HERC3: variants seen among roughly 807,000 people sequenced by gnomAD.
HERC3 encodes HECT and RLD domain containing E3 ubiquitin protein ligase 3.
In HERC3, 58 loss-of-function variants were observed where a neutral mutation model predicts 129.9. That is an observed-to-expected ratio of 0.45 (90% CI 0.36 to 0.56). The LOEUF (loss-of-function observed/expected upper bound fraction) is 0.56, where lower values mean the gene tolerates loss of function less well. Ranked by LOEUF, HERC3 falls within the 20% of genes least tolerant of loss-of-function variation. The pLI, the probability that HERC3 is intolerant of heterozygous loss-of-function variation, is 0.00. For synonymous variants in HERC3, 430 were observed against 451.0 expected, an observed-to-expected ratio of 0.95 and a Z score of 0.59; for missense variants, 835 against 1,244.2, an observed-to-expected ratio of 0.67 and a Z score of 4.95.
intron 12 of HERC3, among the ~76,000 whole-genome samples, chr4:88,664,478 G>A (rs1360776845): frequency 6.6e-6 from 1 of 152,160 alleles, no homozygotes; most frequent in Admixed American, 6.5e-5. Flanking sequence ...GATGGTGGTT[G>A]GCCTTAATTT....
At chr4:88,686,501 A>G (rs1255264998) in intron 21 of HERC3, among the ~76,000 whole-genome samples, 1 of 152,212 alleles carries the variant, frequency 6.6e-6, no homozygotes, top group East Asian at 1.9e-4. Flanking sequence ...TTTCAAGTCT[A>G]ATAAGATTTG....
the HERC3 span, among the ~76,000 whole-genome samples, chr4:88,568,936 G>A: frequency 6.6e-6 from 1 of 151,950 alleles, no homozygotes; most frequent in African/African-American, 2.4e-5. Context: ...GTTGGAGGAG[G>A]AGTGATGTAA....
chr4:88,702,081 A>C (rs1735370209), intron 23 of HERC3, among the ~76,000 whole-genome samples: 1 of 152,194 alleles, frequency 6.6e-6, no homozygotes, highest in Admixed American at 6.5e-5. Context: ...GGCATGAGCC[A>C]CTGCACCTGG....
At chr4:88,705,350 A>G (rs1735689849) in intron 25 of HERC3, among the ~76,000 whole-genome samples, 1 of 152,232 alleles carries the variant, frequency 6.6e-6, no homozygotes, top group African/African-American at 2.4e-5. Context: ...GCTATAATTT[A>G]TATACCATAC....
At chr4:88,584,505 T>C in the HERC3 span, among the ~76,000 whole-genome samples, 16 of 152,342 alleles carry the variant, frequency 1.1e-4, no homozygotes, top group African/African-American at 2.9e-4. Flanking sequence ...AAAGCTCATG[T>C]TGAAATTAAA....
At chr4:88,543,554 T>C in the HERC3 span, among the ~76,000 whole-genome samples, 4 of 152,158 alleles carry the variant, frequency 2.6e-5, no homozygotes, top group Admixed American at 2.0e-4. Flanking sequence ...AAGCTACCAA[T>C]GACTTTCTTC....
intron 3 of HERC3, among the ~76,000 whole-genome samples, chr4:88,619,988 G>A (rs1351823798): frequency 1.3e-5 from 2 of 152,206 alleles, no homozygotes; most frequent in Non-Finnish European, 1.5e-5. Context: ...CTAAAATCTT[G>A]TAATACAGTC....
chr4:88,586,603 C>T, the HERC3 span, among the ~76,000 whole-genome samples: 1 of 152,104 alleles, frequency 6.6e-6, no homozygotes, highest in Non-Finnish European at 1.5e-5. Context: ...AGGTGATCCA[C>T]CCGCCTCCGC....
chr4:88,542,889 C>G, the HERC3 span, among the ~76,000 whole-genome samples: 1 of 152,146 alleles, frequency 6.6e-6, no homozygotes, highest in Non-Finnish European at 1.5e-5. Flanking sequence ...ATCCAACAGC[C>G]CTTCATGCTG....
chr4:88,705,781 A>C (rs1196173982), intron 25 of HERC3, among the ~76,000 whole-genome samples: 1 of 152,208 alleles, frequency 6.6e-6, no homozygotes, highest in East Asian at 1.9e-4. Flanking sequence ...TAGGCAGTCT[A>C]TTTTGCTTTA....
the HERC3 span, among the ~76,000 whole-genome samples, chr4:88,567,882 T>G: frequency 6.6e-6 from 1 of 152,248 alleles, no homozygotes; most frequent in African/African-American, 2.4e-5. Context: ...GCTATGTATT[T>G]ATTTTAATCT....
At chr4:88,642,318 A>G (rs1728208653) in intron 3 of HERC3, among the ~76,000 whole-genome samples, 1 of 152,198 alleles carries the variant, frequency 6.6e-6, no homozygotes, top group African/African-American at 2.4e-5. Context: ...TACAGAAAAC[A>G]GAATTTGACA....
chr4:88,583,028 A>C, the HERC3 span, among the ~76,000 whole-genome samples: 4 of 152,144 alleles, frequency 2.6e-5, no homozygotes, highest in Non-Finnish European at 5.9e-5. Flanking sequence ...GTTTATTGTC[A>C]ATTTATTTCA....
chr4:88,602,488 T>C (rs1236875608), intron 2 of HERC3, among the ~76,000 whole-genome samples: 2 of 151,986 alleles, frequency 1.3e-5, no homozygotes, highest in Non-Finnish European at 2.9e-5. Flanking sequence ...GCATTGCTTG[T>C]TTGTTTTTAA....
At chr4:88,697,719 A>G in intron 23 of HERC3, 2 of 1,611,324 alleles carry the variant, frequency 1.2e-6, no homozygotes, top group South Asian at 1.1e-5. Context: ...CCGCCTGGCT[A>G]GGCTCCGCAG....
chr4:88,614,991 C>G (rs34403035), intron 3 of HERC3, among the ~76,000 whole-genome samples: 6 of 152,156 alleles, frequency 3.9e-5, no homozygotes, highest in Non-Finnish European at 7.4e-5. Flanking sequence ...GTACTGAATT[C>G]TGAATTCTAA....
the HERC3 span, among the ~76,000 whole-genome samples, chr4:88,578,290 A>G: frequency 6.6e-6 from 1 of 152,180 alleles, no homozygotes; most frequent in Non-Finnish European, 1.5e-5. Context: ...TATAAGAAGT[A>G]GTTGTAACTG....
chr4:88,530,359 G>A, the HERC3 span, among the ~76,000 whole-genome samples: 1 of 151,954 alleles, frequency 6.6e-6, no homozygotes, highest in East Asian at 1.9e-4. Context: ...AAACAGCACA[G>A]GATAAAGTTA....
chr4:88,630,375 A>C (rs1161732344), intron 3 of HERC3, among the ~76,000 whole-genome samples: 2 of 152,194 alleles, frequency 1.3e-5, no homozygotes, highest in African/African-American at 4.8e-5. Flanking sequence ...AGATATTTTA[A>C]AGCCTGACTT....
Sources: gnomAD v4.1 joint callset for allele counts (sites outside exome capture counted in the v4.1 genomes callset) on GRCh38, gnomAD v4.1.1 for gene constraint, MANE v1.5 for transcripts, NCBI Gene and HGNC (gene_info 2026-07-23, HGNC 2026-07-21) for gene names.